KAT6B: variants seen among roughly 807,000 people sequenced by gnomAD.
KAT6B encodes lysine acetyltransferase 6B, also known as histone acetyltransferase KAT6B.
KAT6B carries 10 observed loss-of-function variants against 187.5 expected under a neutral mutation model. That is an observed-to-expected ratio of 0.05 (90% CI 0.03 to 0.09). KAT6B has a LOEUF of 0.09. KAT6B is among the 10% of genes least tolerant of loss of function. The pLI is 1.00. For synonymous variants in KAT6B, 861 were observed against 926.8 expected (o/e 0.93, Z 1.29); for missense variants, 1,952 against 2,558.9 (o/e 0.76, Z 5.12).
intron 13 of KAT6B, among the ~76,000 whole-genome samples, chr10:75,011,907 G>A (rs1217198479): frequency 6.6e-6 from 1 of 152,124 alleles, no homozygotes; most frequent in Non-Finnish European, 1.5e-5. Context: ...TTTCTCATTA[G>A]GCACCACTGC....
intron 3 of KAT6B, among the ~76,000 whole-genome samples, chr10:74,937,024 A>G (rs1046734391): frequency 2.6e-5 from 4 of 152,224 alleles, no homozygotes; most frequent in East Asian, 1.9e-4. Flanking sequence ...AAGCAAGTCT[A>G]TGTGAAATTA....
chr10:75,023,055 T>C (rs1845558538), intron 16 of KAT6B, among the ~76,000 whole-genome samples: 1 of 152,244 alleles, frequency 6.6e-6, no homozygotes. Context: ...TGTGGCCAAC[T>C]GCGCATTACT....
chr10:74,895,711 T>C (rs1845940052), intron 3 of KAT6B, among the ~76,000 whole-genome samples: 1 of 152,120 alleles, frequency 6.6e-6, no homozygotes, highest in Admixed American at 6.5e-5. Context: ...AGCTAATTTT[T>C]GTATTTTTAA....
intron 3 of KAT6B, among the ~76,000 whole-genome samples, chr10:74,950,691 A>G (rs1226517969): frequency 1.3e-5 from 2 of 152,218 alleles, no homozygotes; most frequent in East Asian, 3.8e-4. Context: ...GAAGTAGCAA[A>G]CAAAAAAACC....
At chr10:74,860,649 A>T (rs949214252) in intron 3 of KAT6B, among the ~76,000 whole-genome samples, 5 of 152,196 alleles carry the variant, frequency 3.3e-5, no homozygotes, top group Admixed American at 3.3e-4. Flanking sequence ...AATATATAAA[A>T]CACTGTATTA....
At position 75,030,726 on chromosome 10, in the gene KAT6B, A is replaced by C. The variant is rs758693246; in HGVS notation, c.5902A>C (p.Ser1968Arg). ...AACGATGCAAAGAGGCATGAACATG[A>C]GTGTGAACCTGATGCCAGCGCCAGC... ...TLTMQRGMNM[S>R]VNLMPAPAYN... Residue 1968 changes from serine to arginine, a missense_variant, in exon 18 of 18, where the codon AGT (serine) becomes CGT (arginine). Around this residue, in one of 9 missense-constraint regions of KAT6B, gnomAD observed 358 missense variants for 436.3 expected, o/e 0.82. Transcript: ENST00000287239. The surrounding 1 kb of genome is among the most constrained non-coding windows in gnomAD (Gnocchi z 4.8). 6.2e-7 allele frequency: 1 copy of C among 1,614,216 alleles called. No homozygotes were observed. Among genetic ancestry groups the C allele is most frequent in the South Asian group, 1.1e-5 (1 of 91,084 alleles).
chr10:74,921,544 G>A (rs1436759115), intron 3 of KAT6B, among the ~76,000 whole-genome samples: 2 of 152,146 alleles, frequency 1.3e-5, no homozygotes, highest in Non-Finnish European at 1.5e-5. Flanking sequence ...CACTAAGGGG[G>A]TTGTAGCTAT....
At chr10:74,931,652 A>C (rs1011626387) in intron 3 of KAT6B, among the ~76,000 whole-genome samples, 3 of 152,216 alleles carry the variant, frequency 2.0e-5, no homozygotes, top group African/African-American at 7.2e-5. Context: ...TTCTTTTAAA[A>C]GGGATGGAAG....
At chr10:74,951,615 A>T (rs1840325042) in intron 3 of KAT6B, among the ~76,000 whole-genome samples, 1 of 152,186 alleles carries the variant, frequency 6.6e-6, no homozygotes, top group Non-Finnish European at 1.5e-5. Flanking sequence ...AATAGTGAAT[A>T]CTGGGCAGAT....
intron 3 of KAT6B, among the ~76,000 whole-genome samples, chr10:74,888,090 A>T (rs940552399): frequency 6.6e-6 from 1 of 152,200 alleles, no homozygotes; most frequent in African/African-American, 2.4e-5. Context: ...GGATAGCTGT[A>T]TGGAAATTCT....
At chr10:75,022,273 A>C (rs773167268) in intron 16 of KAT6B, 42 bp downstream of exon 16, 1 of 1,607,258 alleles carries the variant, frequency 6.2e-7, no homozygotes, top group Non-Finnish European at 8.5e-7. Flanking sequence ...CGTTCAATCA[A>C]ATCTTATTTG....
At chr10:74,939,486 T>C (rs1231297381) in intron 3 of KAT6B, among the ~76,000 whole-genome samples, 1 of 152,058 alleles carries the variant, frequency 6.6e-6, no homozygotes, top group Non-Finnish European at 1.5e-5. Context: ...CTGCAACCTC[T>C]GCCTCCTGGG....
At chr10:75,005,031 A>G (rs189595384) in intron 13 of KAT6B, among the ~76,000 whole-genome samples, 37 of 152,136 alleles carry the variant, frequency 2.4e-4, no homozygotes, top group African/African-American at 8.4e-4. Context: ...TTAAAACAAG[A>G]TCAAGAAAGA....
chr10:75,030,004 A>G lies in KAT6B; in HGVS notation c.5180A>G (p.Asn1727Ser), dbSNP rs1003040445. 6.2e-7 allele frequency: 1 copy of G among 1,614,044 alleles called. No individual in the cohort carries two copies. The highest frequency in any genetic ancestry group is 1.3e-5 in the African/African-American group (1 of 74,930). ...SSCAVTQQMS[N>S]ISGSCSMLQQ... ...TGTGCTGTCACCCAGCAGATGTCCA[A>G]CATCAGCGGGAGCTGCAGCATGCTG... Residue 1727 changes from asparagine (N) to serine (S), a missense_variant, in exon 18 of 18, where the codon AAC becomes AGC. Around this residue, in one of 9 missense-constraint regions of KAT6B, gnomAD observed 87 missense variants for 167.5 expected, o/e 0.52. Coordinates refer to ENST00000287239, the MANE Select transcript of KAT6B (RefSeq NM_012330.4). The surrounding 1 kb of genome is among the most constrained non-coding windows in gnomAD (Gnocchi z 4.8).
chr10:75,011,677 TGAA>T (rs1346552710), intron 13 of KAT6B, among the ~76,000 whole-genome samples: 1 of 152,196 alleles, frequency 6.6e-6, no homozygotes, highest in Non-Finnish European at 1.5e-5. Context: ...ACAAGGAAAT[TGAA>T]GGATGAATCT....
rs765128347 is a variant in KAT6B at position 75,021,300 on chromosome 10, T to C, written c.3021+15T>C. 1.2e-6 allele frequency: 2 copies of C among 1,613,328 alleles called. No homozygotes were observed. Among genetic ancestry groups the C allele is most frequent in the Admixed American group, 1.7e-5 (1 of 60,006 alleles). Reference sequence around the variant, plus strand: ...CTGAGAAAGAGGTAATGATTGTCTTTATCATCCTAAGTTGTGTAACTTCAA... The same window carrying C: ...CTGAGAAAGAGGTAATGATTGTCTTCATCATCCTAAGTTGTGTAACTTCAA... On this transcript the variant is annotated intron_variant, in intron 15 of 17. Transcript: ENST00000287239.
At chr10:75,011,736 C>T (rs184779226) in intron 13 of KAT6B, among the ~76,000 whole-genome samples, 62 of 152,254 alleles carry the variant, frequency 4.1e-4, no homozygotes, top group African/African-American at 1.5e-3. Flanking sequence ...TTCTTCTAAT[C>T]CACTAGACCA....
At chr10:74,940,785 A>G (rs538456014) in intron 3 of KAT6B, among the ~76,000 whole-genome samples, 2 of 152,086 alleles carry the variant, frequency 1.3e-5, no homozygotes, top group African/African-American at 4.8e-5. Context: ...ACCTAAGCTC[A>G]TTTATGCCTT....
At chr10:74,827,089 G>C (rs1471797093) in intron 1 of KAT6B, 2 of 151,394 alleles carry the variant, frequency 1.3e-5, no homozygotes, top group Non-Finnish European at 2.9e-5. Context: ...GGGGCTGAGA[G>C]GGAATTTCTG....
Sources: allele counts gnomAD v4.1 joint callset (sites outside exome capture counted in the v4.1 genomes callset), GRCh38; gene constraint gnomAD v4.1.1; regional missense constraint gnomAD v4.1.1; non-coding constraint Gnocchi (gnomAD v3.1); transcripts MANE v1.5; gene names NCBI Gene and HGNC (gene_info 2026-07-23, HGNC 2026-07-21).